The following DPH6 variants were observed in gnomAD, a reference collection of about 807,000 sequenced individuals.
The protein encoded by DPH6 is diphthamine biosynthesis 6.
DPH6 carries 33 observed loss-of-function variants against 38.2 expected under a neutral mutation model. The ratio of observed to expected loss-of-function variants is 0.86; its 90% CI spans 0.65 to 1.15. The LOEUF (loss-of-function observed/expected upper bound fraction) is 1.15, where lower values mean the gene tolerates loss of function less well. DPH6 is among the 50% of genes most tolerant of loss of function. DPH6 has a pLI of 0.00. For missense variants in DPH6, 325 were observed against 320.0 expected (o/e 1.02, Z -0.12); for synonymous variants, 108 against 103.0 (o/e 1.05, Z -0.30).
At chr15:35,296,002 C>T (rs542583230) in intron 3 of DPH6, among the ~76,000 whole-genome samples, 5 of 151,856 alleles carry the variant, frequency 3.3e-5, no homozygotes, top group Admixed American at 6.6e-5. Flanking sequence ...TGCAGTGGCG[C>T]GATCTCTGTT....
chr15:35,172,733 C>A, the DPH6 span, among the ~76,000 whole-genome samples: 3 of 152,238 alleles, frequency 2.0e-5, no homozygotes, highest in East Asian at 1.9e-4. Context: ...CAGGCTGGAG[C>A]ACAGTGGCTA....
intron 6 of DPH6, among the ~76,000 whole-genome samples, chr15:35,402,928 ATAAG>A (rs1465173883): frequency 6.6e-6 from 1 of 152,094 alleles, no homozygotes; most frequent in Non-Finnish European, 1.5e-5. Flanking sequence ...TGCATATATC[ATAAG>A]TAAATAATGA....
chr15:35,227,319 G>A lies in DPH6; in HGVS notation n.201-6737C>T, dbSNP rs575120645. 2.0e-4 allele frequency among the ~76,000 whole-genome samples: 31 copies of A among 151,478 alleles called. No individual in the cohort carries two copies. In the South Asian group the frequency reaches 5.0e-3, roughly 25 times the overall value. ...CTGCCTCAGTCTCCCCAGTAGCTGGGACTACAGGCGCCCGCCACCACACCC... is the reference window on the plus strand; with the variant it reads ...CTGCCTCAGTCTCCCCAGTAGCTGGAACTACAGGCGCCCGCCACCACACCC... On this transcript the variant is annotated intron_variant and non_coding_transcript_variant, in intron 3 of 3. Transcript: ENST00000560386.
chr15:35,251,029 G>C (rs1025935948), intron 3 of DPH6, among the ~76,000 whole-genome samples: 1 of 152,156 alleles, frequency 6.6e-6, no homozygotes, highest in Non-Finnish European at 1.5e-5. Flanking sequence ...GAAGGTCATT[G>C]TTATAAAACT....
the DPH6 span, among the ~76,000 whole-genome samples, chr15:35,147,065 T>G: frequency 6.6e-6 from 1 of 152,328 alleles, no homozygotes; most frequent in South Asian, 2.1e-4. Context: ...TAGAGCTCAT[T>G]ATTGCCATCA....
rs1260580497 is a variant in DPH6 at position 35,503,440 on chromosome 15, C to T, written c.312+34834G>A. Among the ~76,000 whole-genome samples, 4 of 152,162 alleles carry T rather than the reference C, an allele frequency of 2.6e-5. No individual in the cohort carries two copies. The East Asian group carries it at 7.7e-4, about 29-fold the overall frequency. ...TGAATATTTAAAATTCTCCTCAAAGCACTTCATTACTTCCCTCACCTCCAA... is the reference window on the plus strand; with the variant it reads ...TGAATATTTAAAATTCTCCTCAAAGTACTTCATTACTTCCCTCACCTCCAA... On this transcript the variant is annotated intron_variant, in intron 3 of 8. Coordinates refer to ENST00000256538, the MANE Select transcript of DPH6 (RefSeq NM_080650.4).
intron 5 of DPH6, among the ~76,000 whole-genome samples, chr15:35,444,381 T>C (rs112261458): frequency 1.4e-3 from 213 of 151,762 alleles, no homozygotes; most frequent in African/African-American, 5.0e-3. Flanking sequence ...CTGTGATACT[T>C]CGGCCATTGG....
At chr15:35,266,434 G>GAT (rs1190171723) in intron 3 of DPH6, among the ~76,000 whole-genome samples, 1 of 152,202 alleles carries the variant, frequency 6.6e-6, no homozygotes, top group Non-Finnish European at 1.5e-5. Context: ...AGTCAGCTAA[G>GAT]ATATATAATA....
chr15:35,450,812 G>T lies in DPH6; in HGVS notation c.387-9C>A, dbSNP rs944741984. ...GATTAAGCCTTTTACACCTACAAAA[G>T]AAAAAGAAAAAGAAAGTCAGATGAT... On this transcript the variant is annotated splice_polypyrimidine_tract_variant and intron_variant, in intron 4 of 8. Transcript: ENST00000256538. 5 of 1,564,518 alleles carry T rather than the reference G, an allele frequency of 3.2e-6. No homozygotes were observed. In the African/African-American group the frequency reaches 5.5e-5, roughly 17 times the overall value.
intron 1 of DPH6, among the ~76,000 whole-genome samples, chr15:35,544,008 A>G (rs971096035): frequency 2.0e-5 from 3 of 152,192 alleles, no homozygotes; most frequent in Non-Finnish European, 4.4e-5. Context: ...CTGGTGTCCA[A>G]CAAAATACTA....
intron 3 of DPH6, among the ~76,000 whole-genome samples, chr15:35,488,611 C>T (rs1595409492): frequency 8.2e-6 from 1 of 122,644 alleles, no homozygotes; most frequent in East Asian, 2.5e-4. Context: ...CACCTCCCAC[C>T]AGGTCCCTCC....
At chr15:35,342,302 G>A (rs535912279) in intron 3 of DPH6, among the ~76,000 whole-genome samples, 2 of 152,352 alleles carry the variant, frequency 1.3e-5, no homozygotes, top group South Asian at 4.1e-4. Context: ...GTCTCTGGTA[G>A]TGTGGGCTCA....
chr15:35,159,274 C>T, the DPH6 span, among the ~76,000 whole-genome samples: 1 of 152,010 alleles, frequency 6.6e-6, no homozygotes, highest in East Asian at 1.9e-4. Context: ...CATGTAAGAC[C>T]AACTCCTCTG....
intron 4 of DPH6, among the ~76,000 whole-genome samples, chr15:35,454,077 G>A (rs980760831): frequency 2.4e-4 from 36 of 151,902 alleles, no homozygotes; most frequent in Non-Finnish European, 5.0e-4. Flanking sequence ...AATTCATTCA[G>A]GTGGTGTCTT....
At chr15:35,399,634 A>C (rs2053191633) in intron 6 of DPH6, among the ~76,000 whole-genome samples, 1 of 152,204 alleles carries the variant, frequency 6.6e-6, no homozygotes, top group African/African-American at 2.4e-5. Flanking sequence ...TCCAAAGAAG[A>C]AATGGAGACA....
intron 3 of DPH6, among the ~76,000 whole-genome samples, chr15:35,535,768 CAG>C (rs774416635): frequency 8.5e-5 from 13 of 152,110 alleles, no homozygotes; most frequent in Admixed American, 7.2e-4. Flanking sequence ...CTCTAGCTGT[CAG>C]AGTCACCTGC....
the DPH6 span, among the ~76,000 whole-genome samples, chr15:35,202,560 C>T: frequency 6.6e-6 from 1 of 151,762 alleles, no homozygotes; most frequent in Non-Finnish European, 1.5e-5. Context: ...ACACCTGTAA[C>T]ATTGACCCAA....
chr15:35,262,060 G>A lies in DPH6; in HGVS notation n.201-41478C>T, dbSNP rs2051750712. Among the ~76,000 whole-genome samples the A allele has an allele frequency of 2.0e-5, 3 of 152,130 alleles. No homozygotes were observed. In the South Asian group the frequency reaches 6.2e-4, roughly 32 times the overall value. On this transcript the variant is annotated intron_variant and non_coding_transcript_variant, in intron 3 of 3. Coordinates refer to the DPH6 transcript ENST00000560386. Reference sequence around the variant, plus strand: ...GTATGGTCCTTGTACTTTTCTCCGTGTTTACTACTTCGGGAGTTCTGTGCA... The same window carrying A: ...GTATGGTCCTTGTACTTTTCTCCGTATTTACTACTTCGGGAGTTCTGTGCA...
At chr15:35,224,899 A>C (rs2051469842) in intron 3 of DPH6, among the ~76,000 whole-genome samples, 1 of 152,254 alleles carries the variant, frequency 6.6e-6, no homozygotes, top group Non-Finnish European at 1.5e-5. Flanking sequence ...CAATGTTAAC[A>C]TCTTAAATTA....
Sources: allele counts gnomAD v4.1 joint callset (sites outside exome capture counted in the v4.1 genomes callset), GRCh38; gene constraint gnomAD v4.1.1; transcripts MANE v1.5; gene names NCBI Gene and HGNC (gene_info 2026-07-23, HGNC 2026-07-21).